Variants in CCDC91 observed in about 807,000 individuals in gnomAD.
CCDC91 encodes coiled-coil domain-containing protein 91.
A neutral mutation model predicts 63.2 loss-of-function variants in CCDC91; 48 were observed. The ratio of observed to expected loss-of-function variants is 0.76; its 90% CI spans 0.60 to 0.97. The LOEUF is 0.97. Among genes scored for constraint, CCDC91 ranks in the 50% least tolerant of loss-of-function variants. The probability of loss-of-function intolerance (pLI) is 0.00; values close to 1 mark genes in which losing one functional copy is unlikely to be tolerated. For synonymous variants in CCDC91, 167 were observed against 165.8 expected (o/e 1.01, Z -0.06); for missense variants, 500 against 494.6 (o/e 1.01, Z -0.10).
intron 3 of CCDC91, among the ~76,000 whole-genome samples, chr12:28,296,457 G>C (rs2136913181): frequency 6.6e-6 from 1 of 151,702 alleles, no homozygotes; most frequent in South Asian, 2.1e-4. Context: ...TAACTAAAAT[G>C]GTAGACATTT....
intron 8 of CCDC91, among the ~76,000 whole-genome samples, chr12:28,441,075 A>AG (rs1163352701): frequency 1.8e-4 from 5 of 27,136 alleles, no homozygotes; most frequent in African/African-American, 4.1e-4. Context: ...AAAAAAAAAA[A>AG]AAAAAAAAAG....
chr12:28,215,745 A>G (rs1455322375), intron 1 of CCDC91, among the ~76,000 whole-genome samples: 1 of 152,148 alleles, frequency 6.6e-6, no homozygotes, highest in Non-Finnish European at 1.5e-5. Context: ...GAAGCAGTGG[A>G]TGTACACTGT....
At chr12:28,373,758 A>G (rs1048169273) in intron 7 of CCDC91, among the ~76,000 whole-genome samples, 2 of 152,096 alleles carry the variant, frequency 1.3e-5, no homozygotes, top group Admixed American at 6.6e-5. Flanking sequence ...TGTAGTTCCT[A>G]TAATCCCTAC....
intron 12 of CCDC91, among the ~76,000 whole-genome samples, chr12:28,491,899 A>C (rs1424727441): frequency 8.0e-6 from 1 of 124,862 alleles, no homozygotes; most frequent in Admixed American, 8.1e-5. Context: ...GTGTGTGTGA[A>C]GGTGTAGGTG....
intron 12 of CCDC91, among the ~76,000 whole-genome samples, chr12:28,516,158 T>G (rs1440097736): frequency 6.6e-6 from 1 of 151,934 alleles, no homozygotes; most frequent in Non-Finnish European, 1.5e-5. Flanking sequence ...ACAGTTATTT[T>G]CCTCTTCTTG....
intron 12 of CCDC91, among the ~76,000 whole-genome samples, chr12:28,535,830 C>T (rs1049078162): frequency 6.6e-6 from 1 of 151,932 alleles, no homozygotes; most frequent in Admixed American, 6.6e-5. Context: ...AGATCAAGAC[C>T]ATCCTGGCTA....
At chr12:28,450,092 C>A (rs1215612192) in intron 8 of CCDC91, 69 bp from the exon 9 acceptor site, 2 of 795,614 alleles carry the variant, frequency 2.5e-6, no homozygotes, top group Non-Finnish European at 2.0e-6. Flanking sequence ...TGAATTCTAC[C>A]AGCTACTCTC....
chr12:28,394,102 T>A (rs1946118274), intron 8 of CCDC91, among the ~76,000 whole-genome samples: 1 of 152,236 alleles, frequency 6.6e-6, no homozygotes, highest in Non-Finnish European at 1.5e-5. Context: ...TGGATATACT[T>A]GGTGAAGAAC....
Position 28,478,903 on chromosome 12 carries a change from C to T in CCDC91, c.1102-5149C>T, listed in dbSNP as rs138769226. The stretch of plus-strand genomic sequence containing the variant: ...GCCATTAGAGAAATGCCAATCAAAA[C>T]CACAATGAGATACCATCTCACACCA... On this transcript the variant is annotated intron_variant, in intron 11 of 12. Coordinates refer to ENST00000536442, the MANE Select transcript of CCDC91 (RefSeq NM_018318.5). Among the ~76,000 whole-genome samples the T allele has an allele frequency of 6.9e-3, 1,044 of 152,250 alleles. 5 individuals are homozygous for T. Among genetic ancestry groups the T allele is most frequent in the Non-Finnish European group, 0.011 (775 of 68,002 alleles).
chr12:28,208,994 G>T (rs1377359997), intron 1 of CCDC91, among the ~76,000 whole-genome samples: 2 of 151,656 alleles, frequency 1.3e-5, no homozygotes, highest in Admixed American at 1.3e-4. Flanking sequence ...TTTTAGTAGA[G>T]ATGAGGTTTC....
intron 11 of CCDC91, among the ~76,000 whole-genome samples, chr12:28,463,953 A>G (rs758955172): frequency 6.6e-6 from 1 of 152,284 alleles, no homozygotes; most frequent in South Asian, 2.1e-4. Context: ...TATTGCTGAC[A>G]GAGACACTGA....
intron 6 of CCDC91, among the ~76,000 whole-genome samples, chr12:28,348,146 A>G (rs891894496): frequency 7.2e-5 from 11 of 152,324 alleles, no homozygotes; most frequent in African/African-American, 2.4e-4. Context: ...ATCCAAATTC[A>G]TACAGTATCT....
intron 11 of CCDC91, among the ~76,000 whole-genome samples, chr12:28,473,161 T>G (rs893704561): frequency 7.2e-5 from 11 of 152,176 alleles, no homozygotes; most frequent in Non-Finnish European, 1.5e-4. Flanking sequence ...TGTTTGGTAA[T>G]TATGATTGAG....
intron 7 of CCDC91, among the ~76,000 whole-genome samples, chr12:28,380,656 G>A (rs1414684143): frequency 2.0e-5 from 3 of 151,862 alleles, no homozygotes; most frequent in South Asian, 2.1e-4. Context: ...AGTTTTTTTC[G>A]AATCTGTTTC....
chr12:28,269,103 C>T lies in CCDC91; in HGVS notation c.109+9661C>T, dbSNP rs117929747. On this transcript the variant is annotated intron_variant, in intron 3 of 12. Coordinates refer to ENST00000536442, the MANE Select transcript of CCDC91 (RefSeq NM_018318.5). ...GGCTTGATGTCTCTGTACTGATGCC[C>T]GTAATGAATACTGTTGTTGCTAATG... Among the ~76,000 whole-genome samples, 782 of 152,176 alleles carry T rather than the reference C, an allele frequency of 5.1e-3. 10 individuals are homozygous for T. The highest frequency in any genetic ancestry group is 7.7e-3 in the Non-Finnish European group (524 of 68,018).
intron 8 of CCDC91, among the ~76,000 whole-genome samples, chr12:28,448,927 T>TA (rs1409780135): frequency 1.3e-5 from 2 of 152,078 alleles, no homozygotes; most frequent in Non-Finnish European, 2.9e-5. Context: ...ACAGAGAATA[T>TA]AAAATTAAAA....
At chr12:28,196,521 A>G (rs1371740133) in intron 1 of CCDC91, among the ~76,000 whole-genome samples, 9 of 152,212 alleles carry the variant, frequency 5.9e-5, no homozygotes, top group African/African-American at 2.2e-4. Flanking sequence ...ATATCCTTGC[A>G]TTGCTCTTCA....
In CCDC91 at chr12:28,275,005, C is replaced by T. The variant is rs150175265; in HGVS notation, c.109+15563C>T. On this transcript the variant is annotated intron_variant, in intron 3 of 12. Transcript: ENST00000536442. ...GGAAATTTATAGCACTAAATGCCCA[C>T]GAGAGAAAGCAGGAAAGATCTAAAA... 9.2e-5 allele frequency among the ~76,000 whole-genome samples: 14 copies of T among 151,870 alleles called. No individual in the cohort carries two copies. In the East Asian group the frequency reaches 1.9e-3, roughly 21 times the overall value.
chr12:28,503,573 T>A (rs1470274649), intron 12 of CCDC91, among the ~76,000 whole-genome samples: 2 of 152,110 alleles, frequency 1.3e-5, no homozygotes, highest in South Asian at 4.2e-4. Context: ...GACCCAGCAA[T>A]CCCATCACTG....
Sources: allele counts gnomAD v4.1 joint callset (sites outside exome capture counted in the v4.1 genomes callset), GRCh38; gene constraint gnomAD v4.1.1; transcripts MANE v1.5; gene names NCBI Gene and HGNC (gene_info 2026-07-23, HGNC 2026-07-21).